The following CAP2 variants were observed in gnomAD, a reference collection of about 807,000 sequenced individuals.
CAP2 encodes adenylyl cyclase-associated protein 2.
A neutral mutation model predicts 57.7 loss-of-function variants in CAP2; 24 were observed. The ratio of observed to expected loss-of-function variants is 0.42; its 90% CI spans 0.30 to 0.58. CAP2 has a LOEUF of 0.58. Among genes scored for constraint, CAP2 ranks in the 20% least tolerant of loss-of-function variants. The probability of loss-of-function intolerance (pLI) is 0.22; values close to 1 mark genes in which losing one functional copy is unlikely to be tolerated. For synonymous variants in CAP2, 194 were observed against 207.2 expected (o/e 0.94, Z 0.55); for missense variants, 501 against 590.3 (o/e 0.85, Z 1.57).
intron 4 of CAP2, among the ~76,000 whole-genome samples, chr6:17,488,674 G>A (rs533738023): frequency 6.6e-6 from 1 of 152,256 alleles, no homozygotes; most frequent in East Asian, 1.9e-4. Context: ...GAATTACAAA[G>A]TCACTAAGAG....
Position 17,556,516 on chromosome 6 carries a change from AG to A in CAP2, c.*75del, listed in dbSNP as rs1763319375. 9.6e-7 allele frequency: 1 copy of A among 1,043,114 alleles called. No homozygotes were observed. The highest frequency in any genetic ancestry group is 1.6e-5 in the African/African-American group (1 of 64,042). 64.6% of individuals were successfully genotyped at this position (1,043,114 alleles called of 1,614,324 possible). On this transcript the variant is annotated 3_prime_UTR_variant, in exon 13 of 13. Transcript: ENST00000229922. ...AACAAAAAAGCAGCAGTAAAGAGCTAGAAGTTGCAGTAGCCCCTACTGCTTT... is the reference window on the plus strand; with the variant it reads ...AACAAAAAAGCAGCAGTAAAGAGCTAAAGTTGCAGTAGCCCCTACTGCTTT...
intron 4 of CAP2, among the ~76,000 whole-genome samples, chr6:17,496,008 C>G (rs1424514216): frequency 4.3e-5 from 3 of 69,446 alleles, no homozygotes; most frequent in Non-Finnish European, 7.6e-5. Flanking sequence ...AAAGCAACTG[C>G]TGTGCATGCG....
At chr6:17,444,091 T>C (rs1760175535) in intron 3 of CAP2, among the ~76,000 whole-genome samples, 1 of 152,224 alleles carries the variant, frequency 6.6e-6, no homozygotes, top group Admixed American at 6.5e-5. Context: ...TAAAGTAGCA[T>C]GATTTATAAC....
At chr6:17,539,616 A>G (rs968086208) in intron 8 of CAP2, among the ~76,000 whole-genome samples, 158 bp downstream of exon 8, 1 of 152,126 alleles carries the variant, frequency 6.6e-6, no homozygotes, top group African/African-American at 2.4e-5. Context: ...GGAGCCTGCC[A>G]TGTTCCTTAT....
intron 4 of CAP2, among the ~76,000 whole-genome samples, chr6:17,501,434 C>G (rs529510840): frequency 5.3e-5 from 8 of 151,978 alleles, no homozygotes; most frequent in Non-Finnish European, 1.2e-4. Context: ...CAGTGTTTCA[C>G]GAAGAGCATA....
At chr6:17,530,975 T>C in intron 7 of CAP2, 1 of 1,512,668 alleles carries the variant, frequency 6.6e-7, no homozygotes, top group Non-Finnish European at 9.1e-7. Context: ...GGGTGGTCTT[T>C]TTCTTCATTC....
chr6:17,498,701 G>T (rs1167712340), intron 4 of CAP2, among the ~76,000 whole-genome samples: 1 of 151,952 alleles, frequency 6.6e-6, no homozygotes, highest in African/African-American at 2.4e-5. Context: ...GTCTAAAATA[G>T]CTTGTTTTAT....
chr6:17,421,917 C>T (rs1315569510), intron 2 of CAP2, among the ~76,000 whole-genome samples: 3 of 152,254 alleles, frequency 2.0e-5, no homozygotes, highest in Admixed American at 2.0e-4. Flanking sequence ...GGGTCTCGCT[C>T]TATCACCCAG....
chr6:17,404,333 C>T (rs56655882), intron 1 of CAP2, among the ~76,000 whole-genome samples: 4,251 of 152,128 alleles, frequency 0.028, 208 homozygotes, highest in African/African-American at 0.095. Context: ...TGGCTGGGTG[C>T]GGTGGCTCAT....
At chr6:17,437,951 CA>C (rs1284805716) in intron 3 of CAP2, among the ~76,000 whole-genome samples, 24 of 152,258 alleles carry the variant, frequency 1.6e-4, no homozygotes, top group African/African-American at 5.8e-4. Context: ...TAGGCGGGAG[CA>C]AGAAAGTCAT....
intron 8 of CAP2, 35 bp downstream of exon 8, chr6:17,539,493 C>T: frequency 1.3e-6 from 2 of 1,552,072 alleles, no homozygotes; most frequent in Non-Finnish European, 1.8e-6. Context: ...AGCTGCCTCC[C>T]TTTCCCTCTG....
intron 7 of CAP2, among the ~76,000 whole-genome samples, chr6:17,521,936 C>A (rs111776428): frequency 0.015 from 2,346 of 152,154 alleles, 30 homozygotes; most frequent in Middle Eastern, 0.027. Context: ...TGGTGAAAAC[C>A]TGTCTCTACT....
At chr6:17,479,787 A>G (rs921347557) in intron 4 of CAP2, among the ~76,000 whole-genome samples, 4 of 149,094 alleles carry the variant, frequency 2.7e-5, no homozygotes, top group Non-Finnish European at 6.0e-5. Flanking sequence ...AATTTTTTGT[A>G]TTTTTTTTTA....
chr6:17,422,240 A>C (rs1400086302), intron 2 of CAP2, among the ~76,000 whole-genome samples: 1 of 152,232 alleles, frequency 6.6e-6, no homozygotes, highest in African/African-American at 2.4e-5. Context: ...TAAATTTAGG[A>C]ACTAAAGTTT....
At chr6:17,462,857 A>T in intron 3 of CAP2, 139 bp from the exon 4 acceptor site, 1 of 661,628 alleles carries the variant, frequency 1.5e-6, no homozygotes, top group South Asian at 1.8e-5. Flanking sequence ...GCTGTTACGA[A>T]CATTCATTTA....
rs546569657 is a variant in CAP2, at chr6:17,466,454, A to G, written c.300+3381A>G. ...TCCTCGTCCAGAGACCACACTTTGGATCCTGTGCTGTATGGATGGCTCTCA... is the reference window on the plus strand; with the variant it reads ...TCCTCGTCCAGAGACCACACTTTGGGTCCTGTGCTGTATGGATGGCTCTCA... On this transcript the variant is annotated intron_variant, in intron 4 of 12. Transcript: ENST00000229922. Among the ~76,000 whole-genome samples, 166 of 152,304 alleles carry G rather than the reference A, an allele frequency of 1.1e-3. 1 individual carries two copies. Among genetic ancestry groups the G allele is most frequent in the African/African-American group, 3.3e-3 (139 of 41,550 alleles).
rs989538915 is a variant in CAP2 at position 17,441,360 on chromosome 6, A to C, written c.222+14670A>C. Reference sequence around the variant, plus strand: ...CTTTGAAAAATCCTTATGTACTTTCAAGCTTTATTATTAATATATTATTAA... The same window carrying C: ...CTTTGAAAAATCCTTATGTACTTTCCAGCTTTATTATTAATATATTATTAA... On this transcript the variant is annotated intron_variant, in intron 3 of 12. Transcript: ENST00000229922. Among the ~76,000 whole-genome samples the C allele has an allele frequency of 5.5e-4, 83 of 151,696 alleles. 2 individuals are homozygous for C. Among genetic ancestry groups the C allele is most frequent in the African/African-American group, 2.0e-3 (81 of 41,028 alleles).
chr6:17,428,163 G>A (rs1047293740), intron 3 of CAP2, among the ~76,000 whole-genome samples: 2 of 152,290 alleles, frequency 1.3e-5, no homozygotes, highest in African/African-American at 4.8e-5. Context: ...TTTGAACAAA[G>A]TACAGCCTGA....
chr6:17,459,269 A>G (rs1379218743), intron 3 of CAP2, among the ~76,000 whole-genome samples: 3 of 152,222 alleles, frequency 2.0e-5, no homozygotes, highest in African/African-American at 7.2e-5. Flanking sequence ...TGAAGACACA[A>G]ATAAAGACTG....
Sources: gnomAD v4.1 joint callset for allele counts (sites outside exome capture counted in the v4.1 genomes callset) on GRCh38, gnomAD v4.1.1 for gene constraint, MANE v1.5 for transcripts, NCBI Gene and HGNC (gene_info 2026-07-23, HGNC 2026-07-21) for gene names.